The following HTR4 variants were observed in gnomAD, a reference collection of about 807,000 sequenced individuals.
HTR4 encodes 5-hydroxytryptamine receptor 4, also known as 5-hydroxytryptamine (serotonin) receptor 4, G protein-coupled.
A neutral mutation model predicts 36.8 loss-of-function variants in HTR4; 16 were observed. That is an observed-to-expected ratio of 0.43 (90% confidence interval 0.29 to 0.66). HTR4 has a LOEUF of 0.66. Ranked by LOEUF, HTR4 falls within the 30% of genes least tolerant of loss-of-function variation. The probability of loss-of-function intolerance (pLI) is 0.13; values close to 1 mark genes in which losing one functional copy is unlikely to be tolerated. For synonymous variants in HTR4, 189 were observed against 185.1 expected, an observed-to-expected ratio of 1.02 and a Z score of -0.17; for missense variants, 438 against 490.9, an observed-to-expected ratio of 0.89 and a Z score of 1.02.
In HTR4 at chr5:148,654,374, G is replaced by A. The variant is rs578087992; in HGVS notation, c.-360C>T. On this transcript the variant is annotated 5_prime_UTR_variant, in exon 1 of 7. Coordinates refer to ENST00000377888, the MANE Select transcript of HTR4 (RefSeq NM_000870.7). ...CAGCCCCGGTGGTCCCCGCTGCCCT[G>A]CCCGCTGCCGCCCCCACTGGGCGCC... 7 of 985,344 alleles carry A rather than the reference G, an allele frequency of 7.1e-6. No homozygotes were observed. Among genetic ancestry groups the A allele is most frequent in the Non-Finnish European group, 8.4e-6 (7 of 829,886 alleles). 61.0% of individuals were successfully genotyped at this position (985,344 alleles called of 1,614,324 possible). A position where few individuals can be genotyped will look rare whatever the true frequency, so the allele number is the denominator to read the frequency against.
chr5:148,603,762 C>G (rs1341646258), intron 2 of HTR4, among the ~76,000 whole-genome samples: 1 of 151,554 alleles, frequency 6.6e-6, no homozygotes, highest in Non-Finnish European at 1.5e-5. Flanking sequence ...GAAAGTGATG[C>G]CATTTATAGA....
chr5:148,608,204 G>C (rs749763021), intron 2 of HTR4, among the ~76,000 whole-genome samples: 5 of 152,206 alleles, frequency 3.3e-5, no homozygotes, highest in Admixed American at 6.5e-5. Context: ...AATATTTATT[G>C]AGTGTATACC....
At chr5:148,604,528 A>G (rs984168833) in intron 2 of HTR4, among the ~76,000 whole-genome samples, 4 of 152,330 alleles carry the variant, frequency 2.6e-5, no homozygotes, top group Non-Finnish European at 4.4e-5. Context: ...AAATGGGTAC[A>G]CATATGCAAG....
At chr5:148,585,365 A>G (rs1224590006) in intron 2 of HTR4, among the ~76,000 whole-genome samples, 2 of 152,218 alleles carry the variant, frequency 1.3e-5, no homozygotes, top group African/African-American at 4.8e-5. Context: ...ACAAATTACC[A>G]AAATAAAACT....
chr5:148,634,702 C>T, intron 2 of HTR4, among the ~76,000 whole-genome samples: 1 of 152,100 alleles, frequency 6.6e-6, no homozygotes, highest in East Asian at 1.9e-4. Context: ...TCTCAAAGTC[C>T]CTTACAACTA....
chr5:148,600,641 T>A (rs776421476), intron 2 of HTR4, among the ~76,000 whole-genome samples: 34 of 151,794 alleles, frequency 2.2e-4, no homozygotes, highest in South Asian at 6.2e-4. Context: ...TTCAAAAGAA[T>A]AAAATATTTA....
intron 6 of HTR4, among the ~76,000 whole-genome samples, chr5:148,495,489 T>C (rs1447852234): frequency 6.6e-6 from 1 of 152,208 alleles, no homozygotes; most frequent in Non-Finnish European, 1.5e-5. Context: ...CATTTTTTCA[T>C]CCTCTTGTCA....
chr5:148,645,871 T>C (rs1364707957), intron 1 of HTR4: 1 of 152,234 alleles, frequency 6.6e-6, no homozygotes, highest in African/African-American at 2.4e-5. Context: ...CTACAGAAAT[T>C]ATTCCTCTTC....
At chr5:148,513,626 C>T (rs1008674287) in intron 5 of HTR4, among the ~76,000 whole-genome samples, 3 of 151,994 alleles carry the variant, frequency 2.0e-5, no homozygotes, top group Non-Finnish European at 1.5e-5. Flanking sequence ...TCAGTATTTC[C>T]ATATAAAATT....
At chr5:148,547,518 C>CA (rs1759437089) in intron 4 of HTR4, among the ~76,000 whole-genome samples, 1 of 54,494 alleles carries the variant, frequency 1.8e-5, no homozygotes, top group South Asian at 5.7e-4. Context: ...GACTTGGTCT[C>CA]AAAAAATAAA....
At chr5:148,536,709 C>T (rs547724067) in intron 4 of HTR4, among the ~76,000 whole-genome samples, 6 of 152,292 alleles carry the variant, frequency 3.9e-5, no homozygotes, top group African/African-American at 9.6e-5. Context: ...TATATATGCA[C>T]TCAACACAGA....
At chr5:148,585,358 A>G (rs1005978540) in intron 2 of HTR4, among the ~76,000 whole-genome samples, 1 of 152,204 alleles carries the variant, frequency 6.6e-6, no homozygotes, top group Non-Finnish European at 1.5e-5. Flanking sequence ...GGAAGGCACA[A>G]ATTACCAAAA....
Position 148,543,813 on chromosome 5 carries a change from T to TGGG in HTR4, c.353+4854_353+4855insCCC, listed in dbSNP as rs564008710. ...GGGAGGAGGTTAACCAAGACCAATG[T>TGGG]AGGAGTGATGCACCCCGTAAGAGAT... On this transcript the variant is annotated intron_variant, in intron 4 of 6. Coordinates refer to ENST00000377888, the MANE Select transcript of HTR4 (RefSeq NM_000870.7). 1.3e-3 allele frequency among the ~76,000 whole-genome samples: 195 copies of TGGG among 152,218 alleles called. 1 individual carries two copies. The highest frequency in any genetic ancestry group is 4.5e-3 in the African/African-American group (185 of 41,548).
At chr5:148,501,873 C>A (rs1273271140) in intron 6 of HTR4, among the ~76,000 whole-genome samples, 1 of 152,008 alleles carries the variant, frequency 6.6e-6, no homozygotes, top group South Asian at 2.1e-4. Context: ...TCCTGGCTAA[C>A]ATGGTGAAAC....
At chr5:148,563,568 G>T (rs776372134) in intron 2 of HTR4, among the ~76,000 whole-genome samples, 1 of 152,166 alleles carries the variant, frequency 6.6e-6, no homozygotes, top group East Asian at 1.9e-4. Context: ...GCACATAGTA[G>T]TGCTGTGAAA....
At chr5:148,478,090 GT>G (rs1478273325), downstream of HTR4, among the ~76,000 whole-genome samples, 1 of 152,100 alleles carries the variant, frequency 6.6e-6, no homozygotes, top group Non-Finnish European at 1.5e-5. Context: ...ACCTTGTCCG[GT>G]TTCTTTATTA....
downstream of HTR4, among the ~76,000 whole-genome samples, chr5:148,475,180 T>A (rs1163642536): frequency 6.6e-6 from 1 of 152,222 alleles, no homozygotes; most frequent in Admixed American, 6.5e-5. Context: ...CATAATTTTA[T>A]TTAAATTATA....
rs570331668 is a variant in HTR4 at position 148,539,015 on chromosome 5, G to A, written c.353+9653C>T. 1.1e-3 allele frequency among the ~76,000 whole-genome samples: 167 copies of A among 152,256 alleles called. 2 individuals carry two copies. The highest frequency in any genetic ancestry group is 6.9e-4 in the Non-Finnish European group (47 of 68,018). On this transcript the variant is annotated intron_variant, in intron 4 of 6. Transcript: ENST00000377888. Reference sequence around the variant, plus strand: ...CAGTAACCAAAACAGCATGGTACTGGTATGAAAACAGAAACATAGACCAGT... The same window carrying A: ...CAGTAACCAAAACAGCATGGTACTGATATGAAAACAGAAACATAGACCAGT...
chr5:148,574,317 A>C (rs1760798834), intron 2 of HTR4, among the ~76,000 whole-genome samples: 1 of 152,072 alleles, frequency 6.6e-6, no homozygotes, highest in Non-Finnish European at 1.5e-5. Context: ...CAAGACTGTT[A>C]GGCTAATCAG....
Sources: allele counts gnomAD v4.1 joint callset (sites outside exome capture counted in the v4.1 genomes callset), GRCh38; gene constraint gnomAD v4.1.1; transcripts MANE v1.5; gene names NCBI Gene and HGNC (gene_info 2026-07-23, HGNC 2026-07-21).